ORC4: variants seen among roughly 807,000 people sequenced by gnomAD.
ORC4 encodes origin recognition complex, subunit 4 homolog.
In ORC4, 55 loss-of-function variants were observed where a neutral mutation model predicts 63.9. The observed-to-expected ratio is 0.86, with a 90% CI of 0.69 to 1.08. The LOEUF is 1.08. Ranked by LOEUF, ORC4 falls within the 50% of genes least tolerant of loss-of-function variation. ORC4 has a pLI of 0.00. For missense variants in ORC4, 511 were observed against 504.4 expected, an observed-to-expected ratio of 1.01 and a Z score of -0.13; for synonymous variants, 150 against 168.5, an observed-to-expected ratio of 0.89 and a Z score of 0.85.
chr2:147,969,970 A>G (rs1434186165), intron 4 of ORC4, among the ~76,000 whole-genome samples: 1 of 152,104 alleles, frequency 6.6e-6, no homozygotes, highest in Non-Finnish European at 1.5e-5. Context: ...ATCTCAAAGA[A>G]CTGACAAAAA....
chr2:147,932,021 G>A lies in ORC4; in HGVS notation c.*3489C>T, dbSNP rs1380843810. On this transcript the variant is annotated 3_prime_UTR_variant, in exon 14 of 14. Transcript: ENST00000392857. ...AGGAAAAGAGGAAGTCAAATTGTCC[G>A]TTTGCAGACGACATGATTGTATATC... 2.0e-5 allele frequency: 3 copies of A among 151,366 alleles called. No individual in the cohort carries two copies. The highest frequency in any genetic ancestry group is 2.1e-4 in the South Asian group (1 of 4,798). 9.4% of individuals were successfully genotyped at this position (151,366 alleles called of 1,614,324 possible). A position where few individuals can be genotyped will look rare whatever the true frequency, so the allele number is the denominator to read the frequency against.
At chr2:148,014,152 T>C (rs1363049522) in intron 1 of ORC4, among the ~76,000 whole-genome samples, 2 of 152,116 alleles carry the variant, frequency 1.3e-5, no homozygotes, top group African/African-American at 4.8e-5. Flanking sequence ...AGGATGATTG[T>C]GTGCAATACA....
At chr2:147,950,537 G>T (rs557661234) in intron 8 of ORC4, among the ~76,000 whole-genome samples, 14 of 151,978 alleles carry the variant, frequency 9.2e-5, no homozygotes, top group Admixed American at 3.9e-4. Context: ...GAGGCCAAGG[G>T]GGGTAGATCA....
intron 4 of ORC4, among the ~76,000 whole-genome samples, chr2:147,965,080 T>C (rs905142135): frequency 3.9e-5 from 6 of 151,952 alleles, no homozygotes; most frequent in African/African-American, 1.2e-4. Context: ...CATCCACAAA[T>C]GCAAAGATGA....
chr2:148,010,108 GAAGT>G (rs1558879976), intron 1 of ORC4, among the ~76,000 whole-genome samples: 1 of 152,086 alleles, frequency 6.6e-6, no homozygotes, highest in Non-Finnish European at 1.5e-5. Flanking sequence ...AACAACCAAT[GAAGT>G]AATTAAGGAA....
intron 4 of ORC4, among the ~76,000 whole-genome samples, chr2:147,967,060 A>G (rs1005232959): frequency 6.6e-6 from 1 of 152,148 alleles, no homozygotes; most frequent in Non-Finnish European, 1.5e-5. Flanking sequence ...AACATCATAC[A>G]CCACATCAAT....
chr2:147,985,273 T>C (rs928766774), intron 1 of ORC4, among the ~76,000 whole-genome samples: 1 of 152,204 alleles, frequency 6.6e-6, no homozygotes, highest in Admixed American at 6.5e-5. Context: ...CTCGGCTCAC[T>C]GCAAGCTCCA....
At chr2:148,009,368 C>A (rs1558879479) in intron 1 of ORC4, among the ~76,000 whole-genome samples, 1 of 151,816 alleles carries the variant, frequency 6.6e-6, no homozygotes, top group African/African-American at 2.4e-5. Flanking sequence ...AGACTAACAA[C>A]AAAAAGACGG....
chr2:147,939,000 G>C, intron 11 of ORC4, 140 bp downstream of exon 11: 2 of 631,492 alleles, frequency 3.2e-6, no homozygotes, highest in East Asian at 5.9e-5. Context: ...ACCTTTAAAA[G>C]GACTAAGTTA....
chr2:147,962,430 G>A (rs899372205), intron 4 of ORC4, among the ~76,000 whole-genome samples: 6 of 152,094 alleles, frequency 3.9e-5, no homozygotes, highest in Admixed American at 6.5e-5. Flanking sequence ...TCTGTTGTGC[G>A]CCCCGCTCTG....
chr2:148,007,536 T>C (rs1692709358), intron 1 of ORC4, among the ~76,000 whole-genome samples: 1 of 151,692 alleles, frequency 6.6e-6, no homozygotes. Context: ...AGAGAAAAAA[T>C]AATAAAACAA....
Position 147,931,447 on chromosome 2 carries a change from G to GGTT in ORC4, c.*4060_*4062dup, listed in dbSNP as rs1420962201. The GGTT allele has an allele frequency of 6.6e-6, 1 of 152,090 alleles. No individual in the cohort carries two copies. Among genetic ancestry groups the GGTT allele is most frequent in the Non-Finnish European group, 1.5e-5 (1 of 68,030 alleles). 9.4% of individuals were successfully genotyped at this position (152,090 alleles called of 1,614,324 possible). A position where few individuals can be genotyped will look rare whatever the true frequency, so the allele number is the denominator to read the frequency against. ...GAATCGCCACACTGACTTCCACAAT[G>GGTT]GTTGAACTAGTTTACAGTCCCACCA... is the stretch of plus-strand genomic sequence containing the variant. On this transcript the variant is annotated 3_prime_UTR_variant, in exon 14 of 14. Transcript: ENST00000392857.
At chr2:147,935,746 CA>C in intron 13 of ORC4, 48 bp from the exon 14 acceptor site, 25 of 1,451,114 alleles carry the variant, frequency 1.7e-5, no homozygotes, top group Non-Finnish European at 2.2e-5. Flanking sequence ...AGGAGAGTGA[CA>C]ACTCTCCTGT....
intron 1 of ORC4, among the ~76,000 whole-genome samples, chr2:147,993,870 ACT>A (rs1691777006): frequency 2.0e-5 from 3 of 152,072 alleles, no homozygotes; most frequent in Admixed American, 6.6e-5. Flanking sequence ...GCTCAAATAC[ACT>A]GTTTTATTAT....
intron 9 of ORC4, 66 bp downstream of exon 9, chr2:147,947,985 A>C: frequency 7.8e-7 from 1 of 1,283,952 alleles, no homozygotes. Flanking sequence ...AATTTCTAAA[A>C]TTTGTGTTTT....
intron 10 of ORC4, 38 bp from the exon 11 acceptor site, chr2:147,939,286 A>AC: frequency 7.6e-7 from 1 of 1,311,738 alleles, no homozygotes; most frequent in Non-Finnish European, 1.1e-6. Flanking sequence ...TTACGTATTT[A>AC]CATGGGCATT....
intron 11 of ORC4, among the ~76,000 whole-genome samples, chr2:147,938,837 A>G (rs1688205527): frequency 6.6e-6 from 1 of 152,152 alleles, no homozygotes; most frequent in Non-Finnish European, 1.5e-5. Flanking sequence ...GGAAAAGGAA[A>G]TAACAAACCC....
intron 10 of ORC4, among the ~76,000 whole-genome samples, chr2:147,941,896 G>A (rs1688386523): frequency 6.6e-6 from 1 of 151,998 alleles, no homozygotes; most frequent in South Asian, 2.1e-4. Context: ...AAAGTAAATA[G>A]GGATAAAAAG....
At chr2:147,986,950 A>G (rs1691239309) in intron 1 of ORC4, among the ~76,000 whole-genome samples, 1 of 152,198 alleles carries the variant, frequency 6.6e-6, no homozygotes. Context: ...AGTGGCATGA[A>G]TGCATACGGT....
Sources: allele counts gnomAD v4.1 joint callset (sites outside exome capture counted in the v4.1 genomes callset), GRCh38; gene constraint gnomAD v4.1.1; transcripts MANE v1.5; gene names NCBI Gene and HGNC (gene_info 2026-07-23, HGNC 2026-07-21).